The following EYS variants were observed in gnomAD, a reference collection of about 807,000 sequenced individuals.
The protein encoded by EYS is protein eyes shut homolog.
Under a neutral mutation model 282.1 loss-of-function variants are expected in EYS, and 250 were observed. The observed-to-expected ratio is 0.89, with a 90% CI of 0.80 to 0.98. EYS has a LOEUF of 0.98. Ranked by LOEUF, EYS falls within the 50% of genes least tolerant of loss-of-function variation. The pLI is 0.00. For missense variants in EYS, 4,016 were observed against 3,709.0 expected, an observed-to-expected ratio of 1.08 and a Z score of -2.15; for synonymous variants, 1,355 against 1,282.9, an observed-to-expected ratio of 1.06 and a Z score of -1.20.
chr6:64,529,711 G>A (rs987106021), intron 26 of EYS, among the ~76,000 whole-genome samples: 2 of 151,980 alleles, frequency 1.3e-5, no homozygotes, highest in African/African-American at 4.8e-5. Context: ...TGCTATATGA[G>A]TTTTTGTTAA....
chr6:64,600,987 C>A (rs996393488), intron 24 of EYS, among the ~76,000 whole-genome samples: 1 of 152,030 alleles, frequency 6.6e-6, no homozygotes, highest in Non-Finnish European at 1.5e-5. Context: ...CTGTTAAATA[C>A]AAAGCACAGT....
chr6:65,474,985 G>A (rs1220000761), intron 5 of EYS, among the ~76,000 whole-genome samples: 1 of 152,002 alleles, frequency 6.6e-6, no homozygotes, highest in African/African-American at 2.4e-5. Flanking sequence ...CAAAGGCACA[G>A]AGAAAAAATA....
chr6:64,048,132 C>T (rs1481776595), intron 33 of EYS, among the ~76,000 whole-genome samples: 1 of 152,138 alleles, frequency 6.6e-6, no homozygotes, highest in Admixed American at 6.6e-5. Flanking sequence ...TCTCAAACTC[C>T]TGACCTCAGG....
intron 31 of EYS, among the ~76,000 whole-genome samples, chr6:64,191,462 T>C (rs4710467): frequency 0.3 from 44,157 of 148,288 alleles, 6,709 homozygotes; most frequent in East Asian, 0.48. Context: ...AGGTATATCG[T>C]CCAGTGCTAT....
At chr6:65,346,421 A>C (rs1312540406) in intron 9 of EYS, among the ~76,000 whole-genome samples, 3 of 151,498 alleles carry the variant, frequency 2.0e-5, no homozygotes, top group Admixed American at 6.6e-5. Context: ...AAAAAACAAA[A>C]AACAATGTCC....
intron 31 of EYS, among the ~76,000 whole-genome samples, chr6:64,125,727 A>G (rs1219373464): frequency 1.4e-5 from 2 of 147,106 alleles, no homozygotes; most frequent in African/African-American, 5.0e-5. Flanking sequence ...CGGAGCTTGC[A>G]GTGAGAGGAG....
chr6:64,475,770 T>C (rs531487302), intron 26 of EYS, among the ~76,000 whole-genome samples: 1 of 152,038 alleles, frequency 6.6e-6, no homozygotes, highest in Non-Finnish European at 1.5e-5. Context: ...TTTGTATGAT[T>C]GTTGTATTAA....
chr6:65,029,502 T>C (rs1166114063), intron 13 of EYS, among the ~76,000 whole-genome samples: 2 of 152,174 alleles, frequency 1.3e-5, no homozygotes, highest in African/African-American at 4.8e-5. Flanking sequence ...TCTATTTATA[T>C]GCAAAGTTTT....
intron 14 of EYS, among the ~76,000 whole-genome samples, chr6:64,970,983 A>G (rs1056853909): frequency 1.3e-5 from 2 of 152,168 alleles, no homozygotes; most frequent in African/African-American, 4.8e-5. Flanking sequence ...TTTAAAATGC[A>G]GCTTTTATGG....
At chr6:64,414,103 T>A (rs920903733) in intron 28 of EYS, among the ~76,000 whole-genome samples, 1 of 152,174 alleles carries the variant, frequency 6.6e-6, no homozygotes, top group African/African-American at 2.4e-5. Context: ...CAGTTCATAG[T>A]ATTTTGTTAC....
chr6:65,478,048 T>C (rs1157581647), intron 5 of EYS, among the ~76,000 whole-genome samples: 2 of 152,174 alleles, frequency 1.3e-5, no homozygotes, highest in Admixed American at 6.5e-5. Flanking sequence ...ATACCTTATA[T>C]GTGCTGTAAA....
intron 21 of EYS, among the ~76,000 whole-genome samples, chr6:64,816,712 C>T (rs770306863): frequency 6.6e-6 from 1 of 152,026 alleles, no homozygotes; most frequent in Non-Finnish European, 1.5e-5. Context: ...TTCTAATAAA[C>T]ACACAAGTAT....
chr6:65,193,688 T>C (rs1765697031), intron 12 of EYS, among the ~76,000 whole-genome samples: 2 of 151,488 alleles, frequency 1.3e-5, no homozygotes, highest in Admixed American at 1.3e-4. Flanking sequence ...GGAACAAAAA[T>C]CTCTGCCTCT....
intron 12 of EYS, among the ~76,000 whole-genome samples, chr6:65,161,001 C>A (rs1484026700): frequency 2.0e-5 from 3 of 150,800 alleles, no homozygotes; most frequent in Non-Finnish European, 4.5e-5. Flanking sequence ...TACATCTACA[C>A]TGATTTTTCT....
intron 35 of EYS, among the ~76,000 whole-genome samples, chr6:63,972,357 A>C (rs9294355): frequency 0.35 from 53,663 of 151,908 alleles, 9,551 homozygotes; most frequent in African/African-American, 0.38. Flanking sequence ...CCTCTACACA[A>C]ATGATGAAAG....
chr6:63,874,593 G>A (rs1772913535), intron 35 of EYS, among the ~76,000 whole-genome samples: 1 of 152,014 alleles, frequency 6.6e-6, no homozygotes, highest in Admixed American at 6.6e-5. Context: ...GGGCAGTATG[G>A]CCATTTTCCC....
At chr6:65,276,570 G>A (rs958465307) in intron 12 of EYS, among the ~76,000 whole-genome samples, 2 of 152,072 alleles carry the variant, frequency 1.3e-5, no homozygotes, top group Non-Finnish European at 2.9e-5. Context: ...TTACAACAGA[G>A]GTAAGGAAGG....
chr6:65,520,637 T>G (rs1767330909), intron 2 of EYS, among the ~76,000 whole-genome samples: 1 of 151,922 alleles, frequency 6.6e-6, no homozygotes, highest in South Asian at 2.1e-4. Flanking sequence ...TATATATGTA[T>G]ATACATATAT....
intron 5 of EYS, among the ~76,000 whole-genome samples, chr6:65,445,220 T>A (rs1380276719): frequency 6.6e-6 from 1 of 151,926 alleles, no homozygotes; most frequent in African/African-American, 2.4e-5. Context: ...CCACCATGAT[T>A]GAATATTTCT....
Sources: allele counts gnomAD v4.1 joint callset (sites outside exome capture counted in the v4.1 genomes callset), GRCh38; gene constraint gnomAD v4.1.1; transcripts MANE v1.5; gene names NCBI Gene and HGNC (gene_info 2026-07-23, HGNC 2026-07-21).